The following ELP4 variants were observed in gnomAD, a reference collection of about 807,000 sequenced individuals.
ELP4 encodes elongator acetyltransferase complex subunit 4.
In ELP4, 51 loss-of-function variants were observed where a neutral mutation model predicts 48.9. That is an observed-to-expected ratio of 1.04 (90% CI 0.83 to 1.32). ELP4 has a LOEUF of 1.32. Ranked by LOEUF, ELP4 falls within the 40% of genes most tolerant of loss-of-function variation. The probability of loss-of-function intolerance (pLI) is 0.00; values close to 1 mark genes in which losing one functional copy is unlikely to be tolerated. For missense variants in ELP4, 519 were observed against 514.6 expected (o/e 1.01, Z -0.08); for synonymous variants, 210 against 189.2 (o/e 1.11, Z -0.90).
Position 31,673,172 on chromosome 11 carries a change from A to G in ELP4, c.1143+22951A>G, listed in dbSNP as rs186147934. ...GCTGGGACTACAGGTGTGCACCACC[A>G]TGTCCGGCTAATTTTTGTATTTTTA... On this transcript the variant is annotated intron_variant, in intron 9 of 9. Coordinates refer to ENST00000640961, the MANE Select transcript of ELP4 (RefSeq NM_019040.5). Among the ~76,000 whole-genome samples the G allele has an allele frequency of 5.4e-3, 820 of 152,096 alleles. 10 individuals are homozygous for G. Among genetic ancestry groups the G allele is most frequent in the African/African-American group, 0.018 (757 of 41,506 alleles).
At position 31,787,522 on chromosome 11, in the gene ELP4, C is replaced by T. The variant is rs662702; in HGVS notation, c.*3998C>T. On this transcript the variant is annotated 3_prime_UTR_variant, in exon 10 of 10. Coordinates refer to ENST00000640961, the MANE Select transcript of ELP4 (RefSeq NM_019040.5). The stretch of plus-strand genomic sequence containing the variant: ...TGGCATGCACTCCCACATAGCCCTT[C>T]TCTGACAGTTCCCTCAGCACACAGC... The T allele has an allele frequency of 0.13, 30,038 of 232,834 alleles. 2,906 individuals are homozygous for T. The highest frequency in any genetic ancestry group is 0.3 in the African/African-American group (13,413 of 45,362). The allele number at this position is 232,834 out of a possible 1,614,324, so 14.4% of individuals were successfully genotyped here. A position where few individuals can be genotyped will look rare whatever the true frequency, so the allele number is the denominator to read the frequency against.
At chr11:31,738,232 CAAAAAAAAA>C (rs57817538) in intron 9 of ELP4, among the ~76,000 whole-genome samples, 7 of 53,734 alleles carry the variant, frequency 1.3e-4, no homozygotes, top group South Asian at 6.1e-4. Flanking sequence ...CCATCTCTAC[CAAAAAAAAA>C]AAAAAAAAAA....
chr11:31,518,353 G>A (rs879742489), intron 1 of ELP4, among the ~76,000 whole-genome samples: 84 of 151,950 alleles, frequency 5.5e-4, no homozygotes, highest in Middle Eastern at 3.2e-3. Context: ...TGATCCGCCC[G>A]CCTCAGCCTC....
Position 31,523,063 on chromosome 11 carries a change from G to A in ELP4, c.259+2972G>A, listed in dbSNP as rs570891805. ...AATTTTTTTTTTTTTGGTAGAGATA[G>A]GGCCTTGTTATACTGCCCAGGCTGT... is the stretch of plus-strand genomic sequence containing the variant. On this transcript the variant is annotated intron_variant, in intron 2 of 9. Transcript: ENST00000640961. Among the ~76,000 whole-genome samples the A allele has an allele frequency of 4.0e-5, 6 of 150,420 alleles. No homozygotes were observed. In the East Asian group the frequency reaches 9.7e-4, roughly 24 times the overall value.
intron 3 of ELP4, among the ~76,000 whole-genome samples, chr11:31,586,159 A>G (rs1222814841): frequency 1.3e-5 from 2 of 152,238 alleles, no homozygotes; most frequent in African/African-American, 4.8e-5. Context: ...CTGTTGGTCA[A>G]TGATGGTCCC....
At position 31,779,116 on chromosome 11, in the gene ELP4, T is replaced by G. The variant is rs562817681; in HGVS notation, c.1144-4277T>G. On this transcript the variant is annotated intron_variant, in intron 9 of 9. Transcript: ENST00000640961. ...TTCTGTGATCCTGAGCAATACAAAT[T>G]GTGACTTTTCAGGAAATGTCAGAAA... Among the ~76,000 whole-genome samples the G allele has an allele frequency of 2.5e-3, 378 of 152,334 alleles. 2 individuals are homozygous for G. Among genetic ancestry groups the G allele is most frequent in the Non-Finnish European group, 3.9e-3 (264 of 68,028 alleles).
chr11:31,645,114 C>T (rs1163508009), intron 7 of ELP4, among the ~76,000 whole-genome samples: 2 of 151,530 alleles, frequency 1.3e-5, no homozygotes, highest in Non-Finnish European at 3.0e-5. Flanking sequence ...TATTCTTGTA[C>T]TAATACTTTA....
chr11:31,520,769 C>A (rs1027687173), intron 2 of ELP4, among the ~76,000 whole-genome samples: 1 of 151,990 alleles, frequency 6.6e-6, no homozygotes, highest in African/African-American at 2.4e-5. Context: ...TTTGAAAATA[C>A]CTATTTTTTC....
In ELP4 at chr11:31,676,865, C is replaced by T. The variant is rs561204762; in HGVS notation, c.1143+26644C>T. ...CTCTTTGTAGCTTTTGGGTTATGGC[C>T]AAGTTTAGCAAGTTTCATTCAATTA... is the stretch of plus-strand genomic sequence containing the variant. On this transcript the variant is annotated intron_variant, in intron 9 of 9. Coordinates refer to ENST00000640961, the MANE Select transcript of ELP4 (RefSeq NM_019040.5). 3.9e-5 allele frequency among the ~76,000 whole-genome samples: 6 copies of T among 152,192 alleles called. No homozygotes were observed. In the South Asian group the frequency reaches 1.0e-3, roughly 26 times the overall value.
At chr11:31,688,520 G>C (rs1262703333) in intron 9 of ELP4, among the ~76,000 whole-genome samples, 1 of 152,052 alleles carries the variant, frequency 6.6e-6, no homozygotes, top group Non-Finnish European at 1.5e-5. Context: ...TTGGAGTAGA[G>C]GAAATTTCAT....
chr11:31,747,431 A>G (rs577048265), intron 9 of ELP4, among the ~76,000 whole-genome samples: 2 of 152,180 alleles, frequency 1.3e-5, no homozygotes, highest in Admixed American at 1.3e-4. Flanking sequence ...GGTGGAGGGG[A>G]AGAGGTTTAA....
At chr11:31,561,466 G>C (rs1365085449) in intron 3 of ELP4, among the ~76,000 whole-genome samples, 2 of 151,664 alleles carry the variant, frequency 1.3e-5, no homozygotes, top group African/African-American at 2.4e-5. Flanking sequence ...TTTTGAGATG[G>C]AGTATCGCTC....
chr11:31,643,496 G>A (rs554875045), intron 7 of ELP4, among the ~76,000 whole-genome samples: 3 of 151,906 alleles, frequency 2.0e-5, no homozygotes, highest in African/African-American at 7.2e-5. Context: ...ATACTGTTGA[G>A]ATAATTAGTT....
At chr11:31,578,041 A>G (rs1433054154) in intron 3 of ELP4, among the ~76,000 whole-genome samples, 3 of 152,214 alleles carry the variant, frequency 2.0e-5, no homozygotes, top group African/African-American at 7.2e-5. Flanking sequence ...TATATTTAGA[A>G]AACCCCATCG....
At chr11:31,607,487 G>A (rs1402938279) in intron 5 of ELP4, among the ~76,000 whole-genome samples, 1 of 152,330 alleles carries the variant, frequency 6.6e-6, no homozygotes, top group East Asian at 1.9e-4. Flanking sequence ...GAAAGGGCAA[G>A]CTAGCCAAAA....
chr11:31,681,927 G>GA (rs1248768959), intron 9 of ELP4: 1 of 399,956 alleles, frequency 2.5e-6, no homozygotes, highest in Non-Finnish European at 4.4e-6. Context: ...TTTTAGTAGA[G>GA]ATGGGGTTCC....
chr11:31,776,154 A>C (rs1480310368), intron 9 of ELP4, among the ~76,000 whole-genome samples: 1 of 141,984 alleles, frequency 7.0e-6, no homozygotes, highest in South Asian at 2.3e-4. Flanking sequence ...CTATCTCACA[A>C]AAAAAAAAAA....
chr11:31,723,109 G>A (rs944220220), intron 9 of ELP4, among the ~76,000 whole-genome samples: 2 of 152,174 alleles, frequency 1.3e-5, no homozygotes, highest in Non-Finnish European at 2.9e-5. Flanking sequence ...CAGGACAACT[G>A]TCTCCATGTC....
At chr11:31,750,900 G>A (rs1358536958) in intron 9 of ELP4, among the ~76,000 whole-genome samples, 1 of 152,106 alleles carries the variant, frequency 6.6e-6, no homozygotes, top group Non-Finnish European at 1.5e-5. Flanking sequence ...CAGCCTATAG[G>A]CAGACATGCA....
Sources: gnomAD v4.1 joint callset for allele counts (sites outside exome capture counted in the v4.1 genomes callset) on GRCh38, gnomAD v4.1.1 for gene constraint, MANE v1.5 for transcripts, NCBI Gene and HGNC (gene_info 2026-07-23, HGNC 2026-07-21) for gene names.